The following CMYA5 variants were observed in gnomAD, a reference collection of about 807,000 sequenced individuals.
The protein encoded by CMYA5 is cardiomyopathy associated 5, also known as cardiomyopathy-associated protein 5.
A neutral mutation model predicts 318.9 loss-of-function variants in CMYA5; 246 were observed. That is an observed-to-expected ratio of 0.77 (90% CI 0.70 to 0.86). The LOEUF (loss-of-function observed/expected upper bound fraction) is 0.86. Among genes scored for constraint, CMYA5 ranks in the 40% least tolerant of loss-of-function variants. The pLI, the probability that CMYA5 is intolerant of heterozygous loss-of-function variation, is 0.00. For synonymous variants in CMYA5, 1,641 were observed against 1,729.5 expected (o/e 0.95, Z 1.27); for missense variants, 4,589 against 4,678.2 (o/e 0.98, Z 0.56).
rs905453308 is a variant in CMYA5, at chr5:79,736,540, C to T, written c.7775C>T (p.Thr2592Ile). 5.6e-6 allele frequency: 9 copies of T among 1,613,582 alleles called. No homozygotes were observed. Among genetic ancestry groups the T allele is most frequent in the Non-Finnish European group, 5.9e-6 (7 of 1,179,720 alleles). The change falls in exon 2 of 13, where the codon ACA becomes ATA. Residue 2592 changes from threonine to isoleucine, a missense_variant. By Grantham distance (89) the Thr-to-Ile change is moderately conservative. Coordinates refer to ENST00000446378, the MANE Select transcript of CMYA5 (RefSeq NM_153610.5). The part of the protein sequence containing the change: ...ETQSFSLVKA[T>I]SVTEKSEAML... ...CAATCATTTTCATTAGTTAAAGCTACATCAGTTACTGAAAAATCAGAAGCC... is the reference window on the plus strand; with the variant it reads ...CAATCATTTTCATTAGTTAAAGCTATATCAGTTACTGAAAAATCAGAAGCC...
chr5:79,793,825 G>T (rs974764695), intron 12 of CMYA5, among the ~76,000 whole-genome samples: 11 of 152,286 alleles, frequency 7.2e-5, no homozygotes, highest in African/African-American at 2.4e-4. Flanking sequence ...CCTGAAGAGG[G>T]TTTCTTATAT....
chr5:79,721,183 T>C (rs1827618036), intron 1 of CMYA5, among the ~76,000 whole-genome samples: 1 of 151,886 alleles, frequency 6.6e-6, no homozygotes, highest in African/African-American at 2.4e-5. Context: ...GAAAAGGAAA[T>C]GGAATAATAA....
chr5:79,792,794 A>T (rs564346025), intron 11 of CMYA5, among the ~76,000 whole-genome samples: 1 of 152,350 alleles, frequency 6.6e-6, no homozygotes, highest in Non-Finnish European at 1.5e-5. Context: ...TGCTTATAAA[A>T]ATAGCTAAGG....
chr5:79,729,211 G>C lies in CMYA5; in HGVS notation c.446G>C (p.Gly149Ala), dbSNP rs1827817553. 6.2e-7 allele frequency: 1 copy of C among 1,612,412 alleles called. No homozygotes were observed. The highest frequency in any genetic ancestry group is 1.3e-5 in the African/African-American group (1 of 74,800). Residue 149 changes from glycine (G) to alanine (A), a missense_variant, in exon 2 of 13, where the codon GGC (glycine) becomes GCC (alanine). Physicochemically the swap from Gly to Ala is moderately conservative, Grantham distance 60 (BLOSUM62 0). Transcript: ENST00000446378. ...GGTTCACCATCATTACGCCGGAAAG[G>C]CAACAGAAAAAGAAATTCTTTTGAA... ...KHGSPSLRRK[G>A]NRKRNSFESQ... is the part of the protein sequence containing the mutation.
In CMYA5 at chr5:79,800,166, A is replaced by G. The variant is rs976884217; in HGVS notation, c.*550A>G. 1 of 152,818 alleles carries G rather than the reference A, an allele frequency of 6.5e-6. No individual in the cohort carries two copies. Among genetic ancestry groups the G allele is most frequent in the African/African-American group, 2.4e-5 (1 of 41,470 alleles). The allele number at this position is 152,818 out of a possible 1,614,324, so 9.5% of individuals were successfully genotyped here. On this transcript the variant is annotated 3_prime_UTR_variant, in exon 13 of 13. Coordinates refer to ENST00000446378, the MANE Select transcript of CMYA5 (RefSeq NM_153610.5). ...TCCTCCCTAAAATTTTAAATGTAGA[A>G]AAGTGCTATATATTAGAAATTTCCA...
Position 79,785,971 on chromosome 5 carries a change from G to A in CMYA5, c.11556-3000G>A, listed in dbSNP as rs560499010. 2.0e-5 allele frequency among the ~76,000 whole-genome samples: 3 copies of A among 152,328 alleles called. No individual in the cohort carries two copies. The East Asian group carries it at 5.8e-4, about 29-fold the overall frequency. On this transcript the variant is annotated intron_variant, in intron 9 of 12. Coordinates refer to ENST00000446378, the MANE Select transcript of CMYA5 (RefSeq NM_153610.5). The stretch of plus-strand genomic sequence containing the variant: ...AGAGAGGCTGTCCTCACAAGCATCA[G>A]CTGCTGGGGGCTTCCACTCATTTTC...
intron 12 of CMYA5, 84 bp downstream of exon 12, chr5:79,793,694 A>T (rs936380376): frequency 7.9e-7 from 1 of 1,264,340 alleles, no homozygotes; most frequent in Non-Finnish European, 1.1e-6. Context: ...CCTGATAAAT[A>T]GCACCCACTT....
chr5:79,742,053 CTTCTTCTTCTTCTTCTTCTTCT>C (rs1828218899), intron 2 of CMYA5, among the ~76,000 whole-genome samples: 3 of 108,516 alleles, frequency 2.8e-5, no homozygotes, highest in African/African-American at 8.3e-5. Flanking sequence ...TTCTCCTCTT[CTTCTTCTTCTTCTTCTTCTTCT>C]TCTTCTTCTT....
chr5:79,734,396 CAAAG>C lies in CMYA5; in HGVS notation c.5635_5638del (p.Glu1879GlnfsTer31). 6.2e-7 allele frequency: 1 copy of C among 1,613,644 alleles called. No individual in the cohort carries two copies. The highest frequency in any genetic ancestry group is 8.5e-7 in the Non-Finnish European group (1 of 1,179,768). On this transcript the variant is annotated frameshift_variant, in exon 2 of 13. Transcript: ENST00000446378. LOFTEE classifies it high-confidence loss of function. ...TTATGACAACCAAGCCTGCGGATGT[CAAAG>C]AAACAAAAATGGAAGAATTCTTTAT...
chr5:79,689,866 G>A lies in CMYA5; in HGVS notation c.-42G>A, dbSNP rs373835683. On this transcript the variant is annotated 5_prime_UTR_variant, in exon 1 of 13. Coordinates refer to ENST00000446378, the MANE Select transcript of CMYA5 (RefSeq NM_153610.5). Reference sequence around the variant, plus strand: ...GAGGGAGAACACCAGGCGCGGCGCGGGCGGCTCCGGCTCCGGCCCCGGCCC... The same window carrying A: ...GAGGGAGAACACCAGGCGCGGCGCGAGCGGCTCCGGCTCCGGCCCCGGCCC... 23 of 661,566 alleles carry A rather than the reference G, an allele frequency of 3.5e-5. No individual in the cohort carries two copies. The highest frequency in any genetic ancestry group is 1.1e-4 in the Admixed American group (5 of 44,004). 41.0% of individuals were successfully genotyped at this position (661,566 alleles called of 1,614,324 possible).
At chr5:79,692,680 A>C (rs1435865171) in intron 1 of CMYA5, among the ~76,000 whole-genome samples, 1 of 152,200 alleles carries the variant, frequency 6.6e-6, no homozygotes, top group African/African-American at 2.4e-5. Context: ...GGATTGCATA[A>C]ATTATGTGAA....
At position 79,720,428 on chromosome 5, in the gene CMYA5, A is replaced by ATTTTT. The variant is rs1159659122; in HGVS notation, c.150-8466_150-8462dup. Reference sequence around the variant, plus strand: ...TAAGATAAAAATAACTGCCAATCTAATTTTTTTTTTTTTTTTTTTTTTTTT... The same window carrying ATTTTT: ...TAAGATAAAAATAACTGCCAATCTAATTTTTTTTTTTTTTTTTTTTTTTTTTTTTT... On this transcript the variant is annotated intron_variant, in intron 1 of 12. Transcript: ENST00000446378. Among the ~76,000 whole-genome samples the ATTTTT allele has an allele frequency of 1.0e-3, 45 of 44,822 alleles. 1 individual carries two copies. The highest frequency in any genetic ancestry group is 3.3e-3 in the African/African-American group (36 of 10,860). 29.4% of individuals were successfully genotyped at this position (44,822 alleles called of 152,430 possible). A position where few individuals can be genotyped will look rare whatever the true frequency, so the allele number is the denominator to read the frequency against.
rs763663986 is a variant in CMYA5 at position 79,752,684 on chromosome 5, C to T, written c.11000C>T (p.Ser3667Phe). Reference sequence around the variant, plus strand: ...GCTCTATTCCCCGATAGGTTGCTTTCTGCAATGGAGAGCACTGCTTCTTTA... The same window carrying T: ...GCTCTATTCCCCGATAGGTTGCTTTTTGCAATGGAGAGCACTGCTTCTTTA... ...SFEEINERLL[S>F]AMESTASLEK... is the part of the protein sequence containing the mutation. Residue 3667 changes from serine (S) to phenylalanine (F), a missense_variant, in exon 6 of 13, where the codon TCT (serine) becomes TTT (phenylalanine). Around this residue, in one of 3 missense-constraint regions of CMYA5, gnomAD observed 2,431 missense variants for 2,495.1 expected, o/e 0.97. Transcript: ENST00000446378. 6.8e-6 allele frequency: 11 copies of T among 1,611,788 alleles called. No homozygotes were observed. The highest frequency in any genetic ancestry group is 1.7e-5 in the Admixed American group (1 of 59,848).
In CMYA5 at chr5:79,731,525, T is replaced by A. The variant is rs372889256; in HGVS notation, c.2760T>A (p.His920Gln). 1.2e-6 allele frequency: 2 copies of A among 1,603,452 alleles called. No homozygotes were observed. Among genetic ancestry groups the A allele is most frequent in the Non-Finnish European group, 1.7e-6 (2 of 1,175,162 alleles). Reference sequence around the variant, plus strand: ...AGGCACAGGAGGAAGAAATTGTCCATAGATCTCTAAATCTAAAAGGTGCAT... The same window carrying A: ...AGGCACAGGAGGAAGAAATTGTCCAAAGATCTCTAAATCTAAAAGGTGCAT... The part of the protein sequence containing the change: ...TPEAQEEEIV[H>Q]RSLNLKGASS... The change falls in exon 2 of 13, where the codon CAT becomes CAA. Residue 920 changes from histidine to glutamine, a missense_variant. Coordinates refer to ENST00000446378, the MANE Select transcript of CMYA5 (RefSeq NM_153610.5).
intron 1 of CMYA5, among the ~76,000 whole-genome samples, chr5:79,723,267 C>T (rs1827677456): frequency 6.6e-6 from 1 of 151,792 alleles, no homozygotes; most frequent in Non-Finnish European, 1.5e-5. Context: ...GGTGAAACCT[C>T]ATCTCTACTA....
chr5:79,790,100 C>T (rs116173209), intron 10 of CMYA5, among the ~76,000 whole-genome samples: 1 of 152,278 alleles, frequency 6.6e-6, no homozygotes, highest in African/African-American at 2.4e-5. Flanking sequence ...ATCGGCTTAC[C>T]CAGAAACATC....
chr5:79,763,034 C>T lies in CMYA5; in HGVS notation c.11408-28C>T, dbSNP rs753650833. On this transcript the variant is annotated intron_variant, in intron 8 of 12. Coordinates refer to ENST00000446378, the MANE Select transcript of CMYA5 (RefSeq NM_153610.5). Reference sequence around the variant, plus strand: ...CCAGGAAAGCAAGCTGGCATTGCTCCACGACTGTCCTGACTCTCTTTCTGC... The same window carrying T: ...CCAGGAAAGCAAGCTGGCATTGCTCTACGACTGTCCTGACTCTCTTTCTGC... 1.8e-4 allele frequency: 287 copies of T among 1,597,820 alleles called. No individual in the cohort carries two copies. In the Middle Eastern group the frequency reaches 2.3e-3, roughly 13 times the overall value.
intron 9 of CMYA5, among the ~76,000 whole-genome samples, chr5:79,767,295 T>C (rs1828773309): frequency 1.3e-5 from 2 of 152,234 alleles, no homozygotes; most frequent in South Asian, 4.1e-4. Flanking sequence ...TTCATGTCTC[T>C]ATCTCCTTCA....
At chr5:79,764,116 G>C (rs1828706052) in intron 9 of CMYA5, among the ~76,000 whole-genome samples, 1 of 151,838 alleles carries the variant, frequency 6.6e-6, no homozygotes, top group Admixed American at 6.6e-5. Context: ...CCTGTCATCT[G>C]TATTCGGTGT....
Sources: allele counts gnomAD v4.1 joint callset (sites outside exome capture counted in the v4.1 genomes callset), GRCh38; gene constraint gnomAD v4.1.1; regional missense constraint gnomAD v4.1.1; transcripts MANE v1.5; gene names NCBI Gene and HGNC (gene_info 2026-07-23, HGNC 2026-07-21).